Variants in JPH1 observed in about 807,000 individuals in gnomAD.
The protein encoded by JPH1 is junctophilin 1.
JPH1 carries 12 observed loss-of-function variants against 53.6 expected under a neutral mutation model. The ratio of observed to expected loss-of-function variants is 0.22; its 90% CI spans 0.14 to 0.36. The LOEUF (loss-of-function observed/expected upper bound fraction) is 0.36. Among genes scored for constraint, JPH1 ranks in the 10% least tolerant of loss-of-function variants. The pLI is 1.00. For missense variants in JPH1, 808 were observed against 905.5 expected (o/e 0.89, Z 1.38); for synonymous variants, 375 against 363.8 (o/e 1.03, Z -0.35).
chr8:74,309,308 ACCT>A (rs1807923855), intron 2 of JPH1, among the ~76,000 whole-genome samples: 1 of 152,200 alleles, frequency 6.6e-6, no homozygotes, highest in Admixed American at 6.5e-5. Flanking sequence ...TAACTTGCTA[ACCT>A]CCTCACTTTA....
intron 2 of JPH1, among the ~76,000 whole-genome samples, chr8:74,269,219 A>G (rs1032946590): frequency 6.6e-6 from 1 of 152,270 alleles, no homozygotes; most frequent in African/African-American, 2.4e-5. Flanking sequence ...CTGATGCCGA[A>G]CAGTATGAAC....
At chr8:74,271,851 T>C (rs1806710109) in intron 2 of JPH1, among the ~76,000 whole-genome samples, 1 of 152,162 alleles carries the variant, frequency 6.6e-6, no homozygotes, top group Non-Finnish European at 1.5e-5. Flanking sequence ...ATCATGTTGT[T>C]TGGAAGAATC....
In JPH1 at chr8:74,320,853, G is replaced by A; in HGVS notation, c.379+56C>T. 1 of 1,452,560 alleles carries A rather than the reference G, an allele frequency of 6.9e-7. No individual in the cohort carries two copies. Among genetic ancestry groups the A allele is most frequent in the Non-Finnish European group, 9.0e-7 (1 of 1,105,074 alleles). 90.0% of individuals were successfully genotyped at this position (1,452,560 alleles called of 1,614,324 possible). A position where few individuals can be genotyped will look rare whatever the true frequency, so the allele number is the denominator to read the frequency against. On this transcript the variant is annotated intron_variant, in intron 1 of 5. Coordinates refer to ENST00000342232, the MANE Select transcript of JPH1 (RefSeq NM_020647.4). This position sits in a 1 kb window ranked among gnomAD's most constrained non-coding sequence, Gnocchi z 4.4. ...TCCTCCCCGCTTCCCCGCAGCCGGG[G>A]CAGAGCCCACCGCACCAGCTCGCGG... is the stretch of plus-strand genomic sequence containing the variant.
At chr8:74,256,654 G>A (rs28595022) in intron 3 of JPH1, among the ~76,000 whole-genome samples, 59,949 of 151,966 alleles carry the variant, frequency 0.39, 13,812 homozygotes, top group African/African-American at 0.65. Context: ...AAGACACATG[G>A]AAAAAAGCTC....
rs544602174 is a variant in JPH1, at chr8:74,315,259, T to C, written c.741A>G (p.Arg247=). The C allele has an allele frequency of 1.2e-6, 2 of 1,614,184 alleles. No homozygotes were observed. The highest frequency in any genetic ancestry group is 1.7e-6 in the Non-Finnish European group (2 of 1,180,040). ...SSVRSDAAMS[R]ISSSDANSTI... is the part of the protein sequence containing the mutation. ...TGGAGTTGGCATCGCTGGAACTAAT[T>C]CTGCTCATGGCCGCGTCGCTGCGGA... The change falls in exon 2 of 6, where the codon AGA becomes AGG. Residue 247 remains arginine (R), a synonymous_variant. Coordinates refer to ENST00000342232, the MANE Select transcript of JPH1 (RefSeq NM_020647.4). This position sits in a 1 kb window ranked among gnomAD's most constrained non-coding sequence, Gnocchi z 6.3.
At chr8:74,300,959 G>A (rs1346133687) in intron 2 of JPH1, among the ~76,000 whole-genome samples, 4 of 151,948 alleles carry the variant, frequency 2.6e-5, no homozygotes, top group Admixed American at 6.5e-5. Flanking sequence ...CCAACCAGCC[G>A]TATACCGGGA....
chr8:74,257,816 T>C (rs764059614), intron 3 of JPH1, among the ~76,000 whole-genome samples: 4 of 152,180 alleles, frequency 2.6e-5, no homozygotes, highest in Admixed American at 6.5e-5. Flanking sequence ...CCCTTCTCAG[T>C]GGTTGCCTTG....
intron 3 of JPH1, among the ~76,000 whole-genome samples, chr8:74,255,665 C>G (rs898202385): frequency 1.8e-4 from 28 of 152,216 alleles, no homozygotes; most frequent in African/African-American, 6.0e-4. Context: ...GGGCTAATAT[C>G]CAGAATCTAC....
In JPH1 at chr8:74,321,387, T is replaced by C. The variant is rs1330944834; in HGVS notation, c.-100A>G. On this transcript the variant is annotated 5_prime_UTR_variant, in exon 1 of 6. Transcript: ENST00000342232. This position sits in a 1 kb window ranked among gnomAD's most constrained non-coding sequence, Gnocchi z 4.3. ...GGGGGTGGGGGCCCGGCGGGCGAGC[T>C]CACGACAGCGCCCTGGGCAGCTCGC... is the stretch of plus-strand genomic sequence containing the variant. The C allele has an allele frequency of 2.5e-6, 3 of 1,206,468 alleles. No homozygotes were observed. The highest frequency in any genetic ancestry group is 3.3e-6 in the Non-Finnish European group (3 of 915,542). 74.7% of individuals were successfully genotyped at this position (1,206,468 alleles called of 1,614,324 possible).
intron 2 of JPH1, among the ~76,000 whole-genome samples, chr8:74,278,952 GACAC>G (rs142504862): frequency 1.7e-4 from 25 of 150,638 alleles, no homozygotes; most frequent in African/African-American, 5.2e-4. Flanking sequence ...AAGCAAGACA[GACAC>G]ACACACACAC....
intron 2 of JPH1, among the ~76,000 whole-genome samples, chr8:74,271,770 G>C (rs1367183803): frequency 6.6e-6 from 1 of 152,192 alleles, no homozygotes; most frequent in Non-Finnish European, 1.5e-5. Flanking sequence ...GTTTCATATG[G>C]AGTCTTGTGG....
intron 2 of JPH1, among the ~76,000 whole-genome samples, chr8:74,281,393 C>A (rs1807012608): frequency 6.6e-6 from 1 of 152,280 alleles, no homozygotes; most frequent in Admixed American, 6.5e-5. Flanking sequence ...TCCTACTGAT[C>A]CCTCAGTGAG....
chr8:74,264,459 C>G (rs1046229689), intron 2 of JPH1, among the ~76,000 whole-genome samples: 1 of 152,130 alleles, frequency 6.6e-6, no homozygotes, highest in African/African-American at 2.4e-5. Context: ...AAAGCAATAT[C>G]AAGTTATTTA....
intron 3 of JPH1, among the ~76,000 whole-genome samples, chr8:74,250,194 C>T (rs1806001065): frequency 6.7e-6 from 1 of 150,326 alleles, no homozygotes; most frequent in African/African-American, 2.5e-5. Context: ...GAGTAAGTGG[C>T]ACCATCCTGG....
intron 1 of JPH1, among the ~76,000 whole-genome samples, chr8:74,319,851 A>T (rs553920800): frequency 3.9e-5 from 6 of 152,348 alleles, no homozygotes; most frequent in African/African-American, 1.4e-4. Flanking sequence ...AGCATAAGCT[A>T]TTCATGAATA....
rs1808294900 is a variant in JPH1 at position 74,320,798 on chromosome 8, T to C, written c.379+111A>G. Reference sequence around the variant, plus strand: ...GGGTGGGAGGCGCCCCCAGGTGTTTTGGCGGGTTTCCGGACACGTGCGCCC... The same window carrying C: ...GGGTGGGAGGCGCCCCCAGGTGTTTCGGCGGGTTTCCGGACACGTGCGCCC... On this transcript the variant is annotated intron_variant, in intron 1 of 5. Transcript: ENST00000342232. The surrounding 1 kb of genome is among the most constrained non-coding windows in gnomAD (Gnocchi z 4.4). 7.7e-7 allele frequency: 1 copy of C among 1,293,138 alleles called. No homozygotes were observed. The highest frequency in any genetic ancestry group is 1.0e-6 in the Non-Finnish European group (1 of 994,482). 80.1% of individuals were successfully genotyped at this position (1,293,138 alleles called of 1,614,324 possible).
chr8:74,245,297 A>G, intron 3 of JPH1, 122 bp from the exon 4 acceptor site: 1 of 809,412 alleles, frequency 1.2e-6, no homozygotes, highest in Non-Finnish European at 1.8e-6. Context: ...GACTAAACAC[A>G]TATTTCATTC....
rs370320001 is a variant in JPH1, at chr8:74,244,566, T to C, written c.1868A>G (p.Asn623Ser). The C allele has an allele frequency of 5.6e-6, 9 of 1,612,830 alleles. No homozygotes were observed. Among genetic ancestry groups the C allele is most frequent in the East Asian group, 2.2e-5 (1 of 44,888 alleles). The part of the protein sequence containing the change: ...ELAIPKNPAS[N>S]DSCPALEKEA... ...TTTTTCCAAAGCAGGGCATGAATCG[T>C]TGCTTGCTGGATTCTTTGGTATAGC... Residue 623 changes from asparagine to serine, a missense_variant, in exon 4 of 6, where the codon AAC becomes AGC. Transcript: ENST00000342232.
At chr8:74,278,979 G>A (rs554276884) in intron 2 of JPH1, among the ~76,000 whole-genome samples, 24 of 131,624 alleles carry the variant, frequency 1.8e-4, no homozygotes, top group Middle Eastern at 3.7e-3. Context: ...AAACACACAC[G>A]CACACGCGCG....
Sources: gnomAD v4.1 joint callset for allele counts (sites outside exome capture counted in the v4.1 genomes callset) on GRCh38, gnomAD v4.1.1 for gene constraint, Gnocchi (gnomAD v3.1) non-coding constraint, MANE v1.5 for transcripts, NCBI Gene and HGNC (gene_info 2026-07-23, HGNC 2026-07-21) for gene names.